SERAC1: variants seen among roughly 807,000 people sequenced by gnomAD.
SERAC1 encodes the protein serine active site containing 1.
A neutral mutation model predicts 85.7 loss-of-function variants in SERAC1; 36 were observed. The observed-to-expected ratio is 0.42, with a 90% confidence interval of 0.32 to 0.55. The LOEUF is 0.55. SERAC1 is among the 20% of genes least tolerant of loss of function. SERAC1 has a pLI of 0.11. For missense variants in SERAC1, 629 were observed against 796.2 expected (o/e 0.79, Z 2.53); for synonymous variants, 242 against 265.3 (o/e 0.91, Z 0.85).
Position 158,111,331 on chromosome 6 carries a change from T to A in SERAC1, c.*35A>T, listed in dbSNP as rs1784138823. ...AAACAGAACACCAAGTTTCTTGCAC[T>A]GAATTCACATATGAAAACTGGAAGA... On this transcript the variant is annotated 3_prime_UTR_variant, in exon 17 of 17. Coordinates refer to ENST00000647468, the MANE Select transcript of SERAC1 (RefSeq NM_032861.4). The A allele has an allele frequency of 6.5e-7, 1 of 1,544,780 alleles. No individual in the cohort carries two copies. Among genetic ancestry groups the A allele is most frequent in the African/African-American group, 1.4e-5 (1 of 72,096 alleles).
At chr6:158,136,493 T>C (rs1388813517) in intron 8 of SERAC1, among the ~76,000 whole-genome samples, 2 of 152,042 alleles carry the variant, frequency 1.3e-5, no homozygotes, top group African/African-American at 2.4e-5. Context: ...GAGTTTTGTT[T>C]TATTTTTTAG....
Position 158,120,698 on chromosome 6 carries a change from G to T in SERAC1, c.1016-123C>A. On this transcript the variant is annotated intron_variant, in intron 10 of 16. Coordinates refer to ENST00000647468, the MANE Select transcript of SERAC1 (RefSeq NM_032861.4). This position sits in a 1 kb window ranked among gnomAD's most constrained non-coding sequence, Gnocchi z 4.4. ...ACCTTGCGTGTCTGTCCTTGGCGGA[G>T]AAGTCCGACTATTCCAACCCCATTC... The T allele has an allele frequency of 1.9e-6, 2 of 1,057,546 alleles. No homozygotes were observed. Among genetic ancestry groups the T allele is most frequent in the Non-Finnish European group, 2.7e-6 (2 of 748,874 alleles). 65.5% of individuals were successfully genotyped at this position (1,057,546 alleles called of 1,614,324 possible).
Position 158,120,571 on chromosome 6 carries a change from C to T in SERAC1, c.1020G>A (p.Trp340Ter). The T allele has an allele frequency of 6.2e-7, 1 of 1,613,430 alleles. No individual in the cohort carries two copies. Among genetic ancestry groups the T allele is most frequent in the Non-Finnish European group, 8.5e-7 (1 of 1,179,734 alleles). ...HLHSSIVRSG[W>*]VSIMAEAMKS... ...TCATTGCTTCTGCCATGATGGAAAC[C>T]CAGCCTGGTGAAAAGTACACATATC... Residue 340 changes from tryptophan (W) to a stop codon, truncating the protein, a stop_gained, in exon 11 of 17, where the codon TGG (tryptophan) becomes TGA (stop). Transcript: ENST00000647468. LOFTEE classifies it high-confidence loss of function. The surrounding 1 kb of genome is among the most constrained non-coding windows in gnomAD (Gnocchi z 4.4).
In SERAC1 at chr6:158,130,448, A is replaced by C. The variant is rs978448154; in HGVS notation, c.777T>G (p.Tyr259Ter). 2 of 1,604,438 alleles carry C rather than the reference A, an allele frequency of 1.2e-6. No homozygotes were observed. Among genetic ancestry groups the C allele is most frequent in the Admixed American group, 1.7e-5 (1 of 58,398 alleles). ...LWCFGGNGLP[Y>*]AESFGEVPSA... Reference sequence around the variant, plus strand: ...AAGGAACTTCTCCAAAACTTTCAGCATAAGGAAGTCCATTTCCTCCAAAAC... The same window carrying C: ...AAGGAACTTCTCCAAAACTTTCAGCCTAAGGAAGTCCATTTCCTCCAAAAC... The change falls in exon 9 of 17, where the codon TAT becomes TAG. Residue 259 changes from tyrosine to a stop codon, truncating the protein, a stop_gained. Coordinates refer to ENST00000647468, the MANE Select transcript of SERAC1 (RefSeq NM_032861.4). LOFTEE classifies it high-confidence loss of function.
chr6:158,144,131 G>A (rs907371379), intron 7 of SERAC1, among the ~76,000 whole-genome samples, 168 bp downstream of exon 7: 2 of 152,070 alleles, frequency 1.3e-5, no homozygotes, highest in African/African-American at 4.8e-5. Flanking sequence ...CCCTCCTGAG[G>A]AACCAAATCT....
Position 158,113,489 on chromosome 6 carries a change from G to C in SERAC1, c.1788C>G (p.Gly596=). The C allele has an allele frequency of 6.2e-7, 1 of 1,614,006 alleles. No individual in the cohort carries two copies. Among genetic ancestry groups the C allele is most frequent in the African/African-American group, 1.3e-5 (1 of 75,042 alleles). The change falls in exon 16 of 17, where the codon GGC becomes GGG. Residue 596 remains glycine, a synonymous_variant. Coordinates refer to ENST00000647468, the MANE Select transcript of SERAC1 (RefSeq NM_032861.4). ...NFVETLPTYI[G]SMIKLHVVPV... ...GTACCACATGGAGCTTAATCATGCT[G>C]CCAATGTAGGTTGGTAGTGTTTCCA... is the stretch of plus-strand genomic sequence containing the variant.
At chr6:158,133,941 C>T (rs1020063714) in intron 8 of SERAC1, among the ~76,000 whole-genome samples, 2 of 152,200 alleles carry the variant, frequency 1.3e-5, no homozygotes, top group Admixed American at 1.3e-4. Context: ...ACCACAGTAA[C>T]ACTAGCAGTA....
Position 158,114,772 on chromosome 6 carries a change from A to G in SERAC1, c.1684+17T>C. On this transcript the variant is annotated intron_variant, in intron 15 of 16. Transcript: ENST00000647468. ...TGTTAATATAACCCCAATTTCCTTT[A>G]TGACAAAAAGTATTACCCTTGCTGA... The G allele has an allele frequency of 6.2e-7, 1 of 1,603,758 alleles. No individual in the cohort carries two copies. Among genetic ancestry groups the G allele is most frequent in the African/African-American group, 1.4e-5 (1 of 71,972 alleles).
intron 8 of SERAC1, among the ~76,000 whole-genome samples, chr6:158,131,321 T>C (rs1187863666): frequency 6.8e-6 from 1 of 147,430 alleles, no homozygotes; most frequent in Non-Finnish European, 1.5e-5. Context: ...ATTTATATAT[T>C]GTATAGTATA....
rs573645037 is a variant in SERAC1 at position 158,124,443 on chromosome 6, A to G, written c.1015+3665T>C. 2.5e-3 allele frequency among the ~76,000 whole-genome samples: 388 copies of G among 152,228 alleles called. 1 individual carries two copies. The highest frequency in any genetic ancestry group is 5.4e-3 in the South Asian group (26 of 4,822). Reference sequence around the variant, plus strand: ...TTTCTACATTTGATCAAAAACACCAACCCATCAATACAAGGTATTGTATTC... The same window carrying G: ...TTTCTACATTTGATCAAAAACACCAGCCCATCAATACAAGGTATTGTATTC... On this transcript the variant is annotated intron_variant, in intron 10 of 16. Coordinates refer to ENST00000647468, the MANE Select transcript of SERAC1 (RefSeq NM_032861.4).
At chr6:158,130,335 T>C in intron 9 of SERAC1, 38 bp downstream of exon 9, 1 of 1,181,748 alleles carries the variant, frequency 8.5e-7, no homozygotes, top group Non-Finnish European at 1.2e-6. Context: ...TTCAATAAAA[T>C]CATAAAAAGT....
chr6:158,125,213 A>G (rs1368424441), intron 10 of SERAC1, among the ~76,000 whole-genome samples: 2 of 152,306 alleles, frequency 1.3e-5, no homozygotes, highest in Admixed American at 1.3e-4. Context: ...TGCTATCCCA[A>G]CTGCCCTGAC....
At chr6:158,114,622 T>G in intron 15 of SERAC1, 167 bp downstream of exon 15, 1 of 1,310,610 alleles carries the variant, frequency 7.6e-7, no homozygotes, top group Non-Finnish European at 9.7e-7. Flanking sequence ...AAATGAGAAA[T>G]TATCAAAGAA....
chr6:158,142,947 C>T, intron 8 of SERAC1, 109 bp downstream of exon 8: 1 of 851,484 alleles, frequency 1.2e-6, no homozygotes, highest in Non-Finnish European at 1.9e-6. Flanking sequence ...GACACACAAC[C>T]AGAAGTTAGC....
At chr6:158,158,840 C>T (rs73025749) in intron 1 of SERAC1, 17,887 of 152,472 alleles carry the variant, frequency 0.12, 1,378 homozygotes, top group Non-Finnish European at 0.16. Flanking sequence ...AAGCATTTAG[C>T]TTTTCTCTAG....
chr6:158,121,314 A>G (rs1322298457), intron 10 of SERAC1, among the ~76,000 whole-genome samples: 1 of 152,088 alleles, frequency 6.6e-6, no homozygotes, highest in African/African-American at 2.4e-5. Context: ...CGCTATATCT[A>G]TTTTCTGAAG....
At chr6:158,149,588 G>A (rs142199015) in intron 4 of SERAC1, among the ~76,000 whole-genome samples, 18 of 152,218 alleles carry the variant, frequency 1.2e-4, no homozygotes, top group East Asian at 3.9e-4. Context: ...TGATGAGCTC[G>A]CCTCAAACTG....
In SERAC1 at chr6:158,120,622, A is replaced by C. The variant is rs1278533166; in HGVS notation, c.1016-47T>G. ...CTAAATACTGATGTGAATCCATCGC[A>C]GACCACAGAGAGAGTGAGGTTTCAA... On this transcript the variant is annotated intron_variant, in intron 10 of 16. Transcript: ENST00000647468. The surrounding 1 kb of genome is among the most constrained non-coding windows in gnomAD (Gnocchi z 4.4). 1.9e-6 allele frequency: 3 copies of C among 1,584,750 alleles called. No individual in the cohort carries two copies. The highest frequency in any genetic ancestry group is 1.7e-6 in the Non-Finnish European group (2 of 1,164,372).
chr6:158,157,526 G>C (rs765399007), intron 2 of SERAC1, among the ~76,000 whole-genome samples: 7 of 152,188 alleles, frequency 4.6e-5, no homozygotes, highest in Admixed American at 6.5e-5. Flanking sequence ...TTAGGGCCTA[G>C]AATTGTACCT....
Sources: allele counts gnomAD v4.1 joint callset (sites outside exome capture counted in the v4.1 genomes callset), GRCh38; gene constraint gnomAD v4.1.1; non-coding constraint Gnocchi (gnomAD v3.1); transcripts MANE v1.5; gene names NCBI Gene and HGNC (gene_info 2026-07-23, HGNC 2026-07-21).